Variants in DOCK8 observed in about 807,000 individuals in gnomAD.
The protein encoded by DOCK8 is dedicator of cytokinesis 8, also known as dedicator of cytokinesis protein 8.
Under a neutral mutation model 245.6 loss-of-function variants are expected in DOCK8, and 141 were observed. That is an observed-to-expected ratio of 0.57 (90% CI 0.50 to 0.66). DOCK8 has a LOEUF of 0.66. DOCK8 is among the 30% of genes least tolerant of loss of function. The pLI, the probability that DOCK8 is intolerant of heterozygous loss-of-function variation, is 0.00. For missense variants in DOCK8, 2,965 were observed against 2,603.4 expected, an observed-to-expected ratio of 1.14 and a Z score of -3.02; for synonymous variants, 1,168 against 970.2, an observed-to-expected ratio of 1.20 and a Z score of -3.79.
intron 1 of DOCK8, among the ~76,000 whole-genome samples, chr9:250,318 C>A (rs1315819269): frequency 2.0e-5 from 3 of 152,104 alleles, no homozygotes; most frequent in African/African-American, 7.2e-5. Flanking sequence ...AAAATTTTTC[C>A]ATGTGAGCTA....
intron 19 of DOCK8, 137 bp from the exon 20 acceptor site, chr9:376,840 A>G (rs1370352923): frequency 2.5e-6 from 2 of 786,658 alleles, no homozygotes; most frequent in Non-Finnish European, 4.3e-6. Flanking sequence ...GGTCTGAAAC[A>G]TCATGTCTTA....
intron 2 of DOCK8, among the ~76,000 whole-genome samples, chr9:280,464 G>C (rs1278035256): frequency 1.3e-5 from 2 of 152,180 alleles, no homozygotes; most frequent in Non-Finnish European, 2.9e-5. Flanking sequence ...GCCTACTGCT[G>C]GTGTGTGGCT....
intron 8 of DOCK8, among the ~76,000 whole-genome samples, chr9:327,504 C>T (rs975275923): frequency 6.6e-6 from 1 of 151,120 alleles, no homozygotes; most frequent in African/African-American, 2.4e-5. Context: ...AGTGATCCAT[C>T]CTCCCACCTC....
At chr9:303,233 C>T (rs1015225805) in intron 4 of DOCK8, among the ~76,000 whole-genome samples, 1 of 151,930 alleles carries the variant, frequency 6.6e-6, no homozygotes, top group African/African-American at 2.4e-5. Context: ...GTGAAGATTT[C>T]TGAAAGAACT....
intron 26 of DOCK8, among the ~76,000 whole-genome samples, chr9:400,280 CTTCCTT>C (rs1470261973): frequency 3.0e-4 from 15 of 49,298 alleles, no homozygotes; most frequent in Non-Finnish European, 3.7e-4. Context: ...ATCACCACCA[CTTCCTT>C]CACCACCACC....
chr9:459,604 T>G (rs1027006398), intron 46 of DOCK8: 10 of 152,268 alleles, frequency 6.6e-5, no homozygotes, highest in African/African-American at 9.7e-5. Context: ...GCGAGGTGTA[T>G]TGTGGCCATG....
intron 4 of DOCK8, 142 bp from the exon 5 acceptor site, chr9:304,439 G>T (rs2049713259): frequency 1.8e-6 from 2 of 1,104,784 alleles, no homozygotes; most frequent in Admixed American, 1.9e-5. Context: ...ATAATTAAAT[G>T]TGAGGAATTA....
At position 429,753 on chromosome 9, in the gene DOCK8, C is replaced by T; in HGVS notation, c.4525C>T (p.His1509Tyr). 6.2e-7 allele frequency: 1 copy of T among 1,614,196 alleles called. No individual in the cohort carries two copies. The highest frequency in any genetic ancestry group is 8.5e-7 in the Non-Finnish European group (1 of 1,180,034). ...GGTGGAACAGTGTTTCGACCTATGT[C>T]ACCAAGTCCTGCACCACTGCAGCAG... ...EEVEQCFDLC[H>Y]QVLHHCSSSM... The change falls in exon 36 of 48, where the codon CAC becomes TAC. Residue 1509 changes from histidine (H) to tyrosine (Y), a missense_variant. Physicochemically the swap from His to Tyr is moderately conservative, Grantham distance 83 (BLOSUM62 2). This residue lies in a region of DOCK8 where 2,825 missense variants were observed against 2,453.5 expected (regional missense o/e 1.15). Transcript: ENST00000432829.
Position 336,738 on chromosome 9 carries a change from T to A in DOCK8, c.1422+20T>A, listed in dbSNP as rs1213785827. 3.1e-6 allele frequency: 5 copies of A among 1,613,714 alleles called. No individual in the cohort carries two copies. Among genetic ancestry groups the A allele is most frequent in the Non-Finnish European group, 3.4e-6 (4 of 1,179,838 alleles). On this transcript the variant is annotated intron_variant, in intron 12 of 47. Transcript: ENST00000432829. Reference sequence around the variant, plus strand: ...AAGCAGGTATCTCTTCACATTACAGTGTGTCTGGATTTTTCCCCATACTGG... The same window carrying A: ...AAGCAGGTATCTCTTCACATTACAGAGTGTCTGGATTTTTCCCCATACTGG...
chr9:327,901 G>A (rs888047348), intron 8 of DOCK8, 121 bp from the exon 9 acceptor site: 4 of 906,690 alleles, frequency 4.4e-6, no homozygotes, highest in Non-Finnish European at 7.2e-6. Flanking sequence ...AACCACATCT[G>A]TGATTATTAC....
At chr9:287,360 A>G (rs558677462) in intron 3 of DOCK8, among the ~76,000 whole-genome samples, 1 of 152,100 alleles carries the variant, frequency 6.6e-6, no homozygotes, top group South Asian at 2.1e-4. Flanking sequence ...CTAAAATGTA[A>G]AAAAAAATGT....
At chr9:425,145 C>T (rs2056432292) in intron 33 of DOCK8, among the ~76,000 whole-genome samples, 1 of 151,586 alleles carries the variant, frequency 6.6e-6, no homozygotes, top group Non-Finnish European at 1.5e-5. Context: ...ATGTGGTTAC[C>T]ACAATATATA....
At chr9:425,475 T>C (rs566865757) in intron 33 of DOCK8, among the ~76,000 whole-genome samples, 4 of 140,050 alleles carry the variant, frequency 2.9e-5, no homozygotes, top group Non-Finnish European at 4.5e-5. Context: ...GAGCTTGCGG[T>C]GAGCCAAGAT....
upstream of DOCK8, among the ~76,000 whole-genome samples, chr9:212,207 A>G (rs1352089408): frequency 6.6e-6 from 1 of 152,214 alleles, no homozygotes; most frequent in Non-Finnish European, 1.5e-5. Context: ...GATAAGTGTT[A>G]TTTAGTTGTT....
At position 464,320 on chromosome 9, in the gene DOCK8, A is replaced by T. The variant is rs1157622217; in HGVS notation, c.*101A>T. 4 of 974,602 alleles carry T rather than the reference A, an allele frequency of 4.1e-6. No individual in the cohort carries two copies. The highest frequency in any genetic ancestry group is 1.3e-5 in the South Asian group (1 of 78,044). The allele number at this position is 974,602 out of a possible 1,614,324, so 60.4% of individuals were successfully genotyped here. On this transcript the variant is annotated 3_prime_UTR_variant, in exon 48 of 48. Transcript: ENST00000432829. ...ACATTTGCCACCCAGGACTGACTGT[A>T]CACTCCCTGATCAGCCAGCACTCTG... is the stretch of plus-strand genomic sequence containing the variant.
upstream of DOCK8, chr9:214,784 C>A: frequency 1.3e-6 from 2 of 1,556,366 alleles, no homozygotes; most frequent in Non-Finnish European, 1.7e-6. Flanking sequence ...CGGAGCCGGC[C>A]GTCGCTGCTC....
chr9:272,572 G>A (rs1286174063), intron 2 of DOCK8, among the ~76,000 whole-genome samples: 1 of 152,074 alleles, frequency 6.6e-6, no homozygotes, highest in East Asian at 1.9e-4. Flanking sequence ...TTTTTGTAGA[G>A]ACAGGGGTCT....
chr9:214,483 G>C (rs749935651), upstream of DOCK8: 8 of 1,605,890 alleles, frequency 5.0e-6, no homozygotes, highest in South Asian at 5.5e-5. Context: ...TTCGAGAATG[G>C]TGTCAACCCT....
intron 1 of DOCK8, among the ~76,000 whole-genome samples, chr9:261,410 A>T (rs955926588): frequency 6.6e-6 from 1 of 152,346 alleles, no homozygotes; most frequent in African/African-American, 2.4e-5. Context: ...AAATATTTAG[A>T]TGTTTTAGAG....
Sources: gnomAD v4.1 joint callset for allele counts (sites outside exome capture counted in the v4.1 genomes callset) on GRCh38, gnomAD v4.1.1 for gene constraint, gnomAD v4.1.1 regional missense constraint, MANE v1.5 for transcripts, NCBI Gene and HGNC (gene_info 2026-07-23, HGNC 2026-07-21) for gene names.